AMPH: variants seen among roughly 807,000 people sequenced by gnomAD.
The protein encoded by AMPH is amphiphysin (Stiff-Mann syndrome with breast cancer 128kD autoantigen).
AMPH carries 49 observed loss-of-function variants against 99.1 expected under a neutral mutation model. The observed-to-expected ratio is 0.49, with a 90% confidence interval of 0.39 to 0.63. AMPH has a LOEUF of 0.63. AMPH is among the 20% of genes least tolerant of loss of function. The pLI is 0.00. For missense variants in AMPH, 759 were observed against 863.4 expected (o/e 0.88, Z 1.52); for synonymous variants, 314 against 317.3 (o/e 0.99, Z 0.11).
intron 1 of AMPH, among the ~76,000 whole-genome samples, chr7:38,566,406 G>A (rs1232531423): frequency 2.0e-5 from 3 of 151,944 alleles, no homozygotes; most frequent in East Asian, 3.9e-4. Flanking sequence ...CAAGTCATTA[G>A]TTATTAAAAT....
chr7:38,592,284 G>A (rs1792885153), intron 1 of AMPH, among the ~76,000 whole-genome samples: 2 of 152,216 alleles, frequency 1.3e-5, no homozygotes, highest in Non-Finnish European at 2.9e-5. Flanking sequence ...CAGAGATTTT[G>A]TTTATGGCCA....
At chr7:38,626,872 T>C (rs1180145203) in intron 1 of AMPH, among the ~76,000 whole-genome samples, 2 of 148,408 alleles carry the variant, frequency 1.3e-5, no homozygotes, top group East Asian at 3.9e-4. Flanking sequence ...GGATATACAG[T>C]TTTTCATGAT....
intron 1 of AMPH, among the ~76,000 whole-genome samples, chr7:38,574,560 G>A (rs1792162777): frequency 6.6e-6 from 1 of 152,172 alleles, no homozygotes; most frequent in South Asian, 2.1e-4. Flanking sequence ...CCACTTACAA[G>A]GGAGAGAAAA....
At chr7:38,479,613 C>A (rs767095259) in intron 5 of AMPH, among the ~76,000 whole-genome samples, 3 of 151,842 alleles carry the variant, frequency 2.0e-5, no homozygotes, top group Non-Finnish European at 4.4e-5. Flanking sequence ...AATAACAGTG[C>A]AAAGGAAAGG....
At chr7:38,502,658 C>G (rs1012345457) in intron 3 of AMPH, among the ~76,000 whole-genome samples, 4 of 152,236 alleles carry the variant, frequency 2.6e-5, no homozygotes, top group Admixed American at 2.6e-4. Context: ...CCTGCCACCA[C>G]TTGGCTGTGC....
At chr7:38,429,026 T>G (rs1439242415) in intron 14 of AMPH, 1 of 1,290,200 alleles carries the variant, frequency 7.8e-7, no homozygotes, top group Non-Finnish European at 1.0e-6. Flanking sequence ...TACCTTCTAG[T>G]GTCTTGATAT....
In AMPH at chr7:38,545,940, GT is replaced by G. The variant is rs1790980922; in HGVS notation, c.70-10930del. The stretch of plus-strand genomic sequence containing the variant: ...AAAACAAATTATACATACATTGCAG[GT>G]TTGAATGGAAGTTAAAAAATACAGG... On this transcript the variant is annotated intron_variant, in intron 1 of 20. Coordinates refer to ENST00000356264, the MANE Select transcript of AMPH (RefSeq NM_001635.4). 5.3e-5 allele frequency among the ~76,000 whole-genome samples: 8 copies of G among 152,284 alleles called. No homozygotes were observed. In the South Asian group the frequency reaches 1.5e-3, roughly 28 times the overall value.
intron 1 of AMPH, among the ~76,000 whole-genome samples, chr7:38,606,638 T>A (rs1793446508): frequency 6.8e-6 from 1 of 146,472 alleles, no homozygotes; most frequent in African/African-American, 2.5e-5. Flanking sequence ...AGTAGTGCAA[T>A]CTCAGCTCAT....
chr7:38,607,000 T>C (rs1793458617), intron 1 of AMPH, among the ~76,000 whole-genome samples: 1 of 152,212 alleles, frequency 6.6e-6, no homozygotes, highest in Admixed American at 6.5e-5. Flanking sequence ...ATAATGCTGC[T>C]GTGAACATTC....
At chr7:38,490,859 GT>G (rs1260449284) in intron 5 of AMPH, among the ~76,000 whole-genome samples, 190 bp downstream of exon 5, 1 of 152,176 alleles carries the variant, frequency 6.6e-6, no homozygotes, top group African/African-American at 2.4e-5. Context: ...AAAGCGAAAT[GT>G]GATTTCTGTA....
chr7:38,393,306 T>C (rs2128975643), intron 18 of AMPH, among the ~76,000 whole-genome samples: 1 of 152,310 alleles, frequency 6.6e-6, no homozygotes, highest in Admixed American at 6.5e-5. Flanking sequence ...AGTAAAATCA[T>C]CAGAAGAAAA....
intron 1 of AMPH, among the ~76,000 whole-genome samples, chr7:38,575,715 A>G (rs931235039): frequency 6.6e-6 from 1 of 152,144 alleles, no homozygotes; most frequent in African/African-American, 2.4e-5. Flanking sequence ...TCTTTCTCCT[A>G]CAAATTACCC....
rs1451013761 is a variant in AMPH, at chr7:38,422,477, G to A, written c.1216C>T (p.Pro406Ser). ...SGGSFNGFTQ[P>S]QDTSLFTMQT... Reference sequence around the variant, plus strand: ...ATTGTGAATAATGAAGTATCCTGGGGCTGAAAATCAAGGATAAAAATAGAA... The same window carrying A: ...ATTGTGAATAATGAAGTATCCTGGGACTGAAAATCAAGGATAAAAATAGAA... The change falls in exon 16 of 21, where the codon CCC becomes TCC. Residue 406 changes from proline (P) to serine (S), a missense_variant and splice_region_variant. By Grantham distance (74) the Pro-to-Ser change is moderately conservative. Transcript: ENST00000356264. 1.9e-6 allele frequency: 3 copies of A among 1,611,556 alleles called. No individual in the cohort carries two copies. In the African/African-American group the frequency reaches 4.0e-5, roughly 22 times the overall value.
chr7:38,504,317 G>T (rs1349520981), intron 2 of AMPH, among the ~76,000 whole-genome samples: 1 of 152,182 alleles, frequency 6.6e-6, no homozygotes, highest in Non-Finnish European at 1.5e-5. Context: ...TTATTGGACT[G>T]CATTGAAATA....
chr7:38,551,664 C>T (rs1256556816), intron 1 of AMPH, among the ~76,000 whole-genome samples: 1 of 152,076 alleles, frequency 6.6e-6, no homozygotes, highest in Admixed American at 6.6e-5. Context: ...AAATACCTTC[C>T]CCCACGGCCC....
intron 17 of AMPH, among the ~76,000 whole-genome samples, chr7:38,417,311 T>TAA (rs35295779): frequency 0.3 from 45,954 of 151,928 alleles, 7,286 homozygotes; most frequent in African/African-American, 0.38. Context: ...CGTATTATTA[T>TAA]GAGTCATCAG....
intron 5 of AMPH, among the ~76,000 whole-genome samples, chr7:38,486,468 C>T (rs552750252): frequency 1.3e-5 from 2 of 151,910 alleles, no homozygotes; most frequent in East Asian, 3.9e-4. Flanking sequence ...ACAACAAAAC[C>T]AAGACCAGAT....
At chr7:38,543,883 A>C (rs79805787) in intron 1 of AMPH, among the ~76,000 whole-genome samples, 12,757 of 152,292 alleles carry the variant, frequency 0.084, 731 homozygotes, top group Middle Eastern at 0.2. Context: ...GTCTCAAAGA[A>C]TACTGTTAAA....
At chr7:38,440,821 G>T (rs971639845) in intron 11 of AMPH, among the ~76,000 whole-genome samples, 4 of 152,028 alleles carry the variant, frequency 2.6e-5, no homozygotes, top group African/African-American at 9.7e-5. Context: ...AATAAAAAAT[G>T]TTCAATTAAT....
Sources: allele counts gnomAD v4.1 joint callset (sites outside exome capture counted in the v4.1 genomes callset), GRCh38; gene constraint gnomAD v4.1.1; transcripts MANE v1.5; gene names NCBI Gene and HGNC (gene_info 2026-07-23, HGNC 2026-07-21).